The following MARCHF1 variants were observed in gnomAD, a reference collection of about 807,000 sequenced individuals.
The protein encoded by MARCHF1 is E3 ubiquitin-protein ligase MARCHF1.
Under a neutral mutation model 54.2 loss-of-function variants are expected in MARCHF1, and 40 were observed. That is an observed-to-expected ratio of 0.74 (90% CI 0.57 to 0.96). The LOEUF (loss-of-function observed/expected upper bound fraction) is 0.96, where lower values mean the gene tolerates loss of function less well. Ranked by LOEUF, MARCHF1 falls within the 40% of genes least tolerant of loss-of-function variation. The pLI is 0.00. For missense variants in MARCHF1, 586 were observed against 656.5 expected (o/e 0.89, Z 1.17); for synonymous variants, 236 against 236.3 (o/e 1.00, Z 0.01).
chr4:164,329,398 A>G (rs530208850), intron 1 of MARCHF1, among the ~76,000 whole-genome samples: 10 of 152,198 alleles, frequency 6.6e-5, no homozygotes, highest in Non-Finnish European at 1.3e-4. Flanking sequence ...AATAAAGAAA[A>G]AAGGAAGAAA....
At chr4:164,194,297 C>T (rs1731195926) in intron 1 of MARCHF1, among the ~76,000 whole-genome samples, 2 of 152,084 alleles carry the variant, frequency 1.3e-5, no homozygotes, top group South Asian at 4.1e-4. Context: ...TTTAAAGCCA[C>T]AGCAGTATTC....
chr4:164,346,641 T>C lies in MARCHF1; in HGVS notation c.-323+37229A>G, dbSNP rs1435806374. Among the ~76,000 whole-genome samples the C allele has an allele frequency of 1.5e-4, 5 of 33,506 alleles. 2 individuals are homozygous for C. The Middle Eastern group carries it at 0.059, about 394-fold the overall frequency. The allele number at this position is 33,506 out of a possible 152,430, so 22.0% of individuals were successfully genotyped here. On this transcript the variant is annotated intron_variant, in intron 1 of 9. Transcript: ENST00000514618. ...ATATATATATATATATATATATATA[T>C]ATATATATATATATATATATATATA... is the stretch of plus-strand genomic sequence containing the variant.
At chr4:164,269,616 T>C (rs1267802900) in intron 1 of MARCHF1, among the ~76,000 whole-genome samples, 4 of 152,176 alleles carry the variant, frequency 2.6e-5, no homozygotes, top group African/African-American at 9.7e-5. Context: ...GACATTGTTA[T>C]CATGAAATTA....
chr4:164,066,115 T>C (rs1754724275), intron 2 of MARCHF1, among the ~76,000 whole-genome samples: 1 of 151,742 alleles, frequency 6.6e-6, no homozygotes, highest in African/African-American at 2.4e-5. Context: ...ATATCAACCA[T>C]CACAGCATGC....
chr4:163,628,833 C>G (rs1741965743), intron 5 of MARCHF1, among the ~76,000 whole-genome samples: 1 of 152,102 alleles, frequency 6.6e-6, no homozygotes, highest in Admixed American at 6.6e-5. Flanking sequence ...CCTAGGAATA[C>G]AACTTACAAG....
intron 5 of MARCHF1, among the ~76,000 whole-genome samples, chr4:163,683,428 A>G (rs1744171075): frequency 6.6e-6 from 1 of 152,230 alleles, no homozygotes; most frequent in African/African-American, 2.4e-5. Context: ...ACATGTGGGA[A>G]TTCAAGATGA....
chr4:163,578,708 G>C (rs931872492), intron 8 of MARCHF1, among the ~76,000 whole-genome samples: 5 of 152,090 alleles, frequency 3.3e-5, no homozygotes, highest in Admixed American at 2.6e-4. Flanking sequence ...ATGGTGTCCA[G>C]CTCTCTCTTT....
chr4:164,141,624 G>A (rs1020491432), intron 1 of MARCHF1, among the ~76,000 whole-genome samples: 7 of 152,186 alleles, frequency 4.6e-5, no homozygotes, highest in Non-Finnish European at 1.0e-4. Context: ...GATTTCACCT[G>A]GCGGTGCGCA....
chr4:163,697,043 T>A (rs1561024943), intron 5 of MARCHF1, among the ~76,000 whole-genome samples: 1 of 152,052 alleles, frequency 6.6e-6, no homozygotes, highest in African/African-American at 2.4e-5. Context: ...CAGGGAGTGA[T>A]GGAGTGAAGT....
At chr4:164,311,655 T>C (rs971340389) in intron 1 of MARCHF1, among the ~76,000 whole-genome samples, 1 of 152,186 alleles carries the variant, frequency 6.6e-6, no homozygotes, top group African/African-American at 2.4e-5. Context: ...TTATCTTTTT[T>C]GTTTGAACAT....
intron 2 of MARCHF1, among the ~76,000 whole-genome samples, chr4:164,037,427 A>G (rs1440322846): frequency 6.6e-6 from 1 of 152,206 alleles, no homozygotes. Context: ...TGAACTGATA[A>G]GCAATATATT....
intron 4 of MARCHF1, among the ~76,000 whole-genome samples, chr4:163,735,189 T>C (rs1746000202): frequency 6.6e-6 from 1 of 152,178 alleles, no homozygotes; most frequent in Non-Finnish European, 1.5e-5. Context: ...TTGACAGTAG[T>C]CCTCACACAC....
intron 1 of MARCHF1, among the ~76,000 whole-genome samples, chr4:164,225,005 G>T (rs1180036839): frequency 6.6e-6 from 1 of 151,900 alleles, no homozygotes; most frequent in Non-Finnish European, 1.5e-5. Flanking sequence ...GGGCTGGATT[G>T]GTTTCTTTGT....
chr4:163,562,275 G>A (rs1011657995), intron 8 of MARCHF1, among the ~76,000 whole-genome samples: 5 of 150,938 alleles, frequency 3.3e-5, no homozygotes, highest in South Asian at 2.1e-4. Flanking sequence ...CCAGCCTGGC[G>A]TCAGAGCCAG....
At chr4:164,366,155 G>C (rs1252955908) in intron 1 of MARCHF1, among the ~76,000 whole-genome samples, 1 of 151,922 alleles carries the variant, frequency 6.6e-6, no homozygotes, top group Non-Finnish European at 1.5e-5. Context: ...ATATTTAATG[G>C]GGCACAATCA....
intron 2 of MARCHF1, among the ~76,000 whole-genome samples, chr4:164,048,009 T>C (rs1754277454): frequency 6.6e-6 from 1 of 152,144 alleles, no homozygotes; most frequent in Non-Finnish European, 1.5e-5. Flanking sequence ...TTATGGTGAT[T>C]AATGTATTTT....
intron 2 of MARCHF1, among the ~76,000 whole-genome samples, chr4:164,070,141 G>T (rs1754831595): frequency 6.6e-6 from 1 of 152,144 alleles, no homozygotes; most frequent in African/African-American, 2.4e-5. Context: ...GAAGGGTGTT[G>T]ATTGAAAAAC....
intron 5 of MARCHF1, among the ~76,000 whole-genome samples, chr4:163,639,354 A>C (rs187467151): frequency 2.0e-5 from 3 of 152,282 alleles, no homozygotes; most frequent in South Asian, 2.1e-4. Flanking sequence ...CAATTAGAAG[A>C]AGCACATTGC....
At chr4:163,787,873 G>A (rs1488359895) in intron 4 of MARCHF1, among the ~76,000 whole-genome samples, 1 of 151,902 alleles carries the variant, frequency 6.6e-6, no homozygotes, top group African/African-American at 2.4e-5. Context: ...GCATATACAT[G>A]CAATGGGATA....
Sources: gnomAD v4.1 joint callset for allele counts (sites outside exome capture counted in the v4.1 genomes callset) on GRCh38, gnomAD v4.1.1 for gene constraint, MANE v1.5 for transcripts, NCBI Gene and HGNC (gene_info 2026-07-23, HGNC 2026-07-21) for gene names.